SNU13: variants seen among roughly 807,000 people sequenced by gnomAD.
The protein encoded by SNU13 is NHP2-like protein 1.
Under a neutral mutation model 12.4 loss-of-function variants are expected in SNU13, and 2 were observed. That is an observed-to-expected ratio of 0.16 (90% CI 0.07 to 0.51). SNU13 has a LOEUF of 0.51. SNU13 is among the 20% of genes least tolerant of loss of function. SNU13 has a pLI of 0.96. For missense variants in SNU13, 66 were observed against 157.8 expected, an observed-to-expected ratio of 0.42 and a Z score of 3.12; for synonymous variants, 68 against 66.5, an observed-to-expected ratio of 1.02 and a Z score of -0.11.
chr22:41,683,966 G>A (rs2068288334), intron 1 of SNU13, among the ~76,000 whole-genome samples: 1 of 151,958 alleles, frequency 6.6e-6, no homozygotes, highest in African/African-American at 2.4e-5. Flanking sequence ...GTAGTAGTGC[G>A]ATCTTGGCTT....
At chr22:41,688,952 T>G, upstream of SNU13, 1 of 1,371,840 alleles carries the variant, frequency 7.3e-7, no homozygotes, top group Non-Finnish European at 9.5e-7. Flanking sequence ...GGCCCCGCCC[T>G]CTACGGGGGC....
Position 41,674,663 on chromosome 22 carries a change from G to A in SNU13, c.*270C>T, listed in dbSNP as rs896481168. 2.0e-5 allele frequency: 8 copies of A among 398,716 alleles called. No individual in the cohort carries two copies. Among genetic ancestry groups the A allele is most frequent in the East Asian group, 9.8e-5 (2 of 20,438 alleles). The allele number at this position is 398,716 out of a possible 1,614,324, so 24.7% of individuals were successfully genotyped here. ...CTCCTGGCTCTTTCTGCCTTTCAAC[G>A]GTGCCACCACCCTGCTTCTGTCTGC... On this transcript the variant is annotated 3_prime_UTR_variant, in exon 3 of 3. Transcript: ENST00000401959.
At chr22:41,688,133 A>G (rs2068326985) in intron 1 of SNU13, 1 of 152,182 alleles carries the variant, frequency 6.6e-6, no homozygotes, top group African/African-American at 2.4e-5. Context: ...GAGTTTAGAG[A>G]CGCCGCACGT....
At chr22:41,681,991 T>C (rs369867943) in intron 1 of SNU13, among the ~76,000 whole-genome samples, 1 of 5,984 alleles carries the variant, frequency 1.7e-4, no homozygotes, top group Non-Finnish European at 4.4e-4. Context: ...AATTTTTCTC[T>C]TTTTTTTTTT....
intron 1 of SNU13, among the ~76,000 whole-genome samples, chr22:41,681,773 G>C (rs1282020584): frequency 6.6e-6 from 1 of 152,206 alleles, no homozygotes; most frequent in Non-Finnish European, 1.5e-5. Flanking sequence ...AGCTACTCGA[G>C]AGGCTGACGC....
intron 1 of SNU13, chr22:41,682,704 G>T: frequency 1.9e-6 from 1 of 539,292 alleles, no homozygotes; most frequent in Non-Finnish European, 2.8e-6. Context: ...ATTTAGAGAC[G>T]GAGTCTCCCT....
intron 1 of SNU13, among the ~76,000 whole-genome samples, chr22:41,680,782 C>A (rs2068257188): frequency 6.6e-6 from 1 of 152,166 alleles, no homozygotes; most frequent in African/African-American, 2.4e-5. Flanking sequence ...GCAATCTCTG[C>A]CTCCCGAGTT....
intron 2 of SNU13, 81 bp from the exon 3 acceptor site, chr22:41,675,276 G>A (rs997017627): frequency 2.6e-6 from 4 of 1,537,932 alleles, no homozygotes; most frequent in Non-Finnish European, 3.5e-6. Context: ...GAATGCCTAG[G>A]CACACACAAT....
At chr22:41,676,336 T>A (rs766242721) in intron 2 of SNU13, among the ~76,000 whole-genome samples, 13 of 152,100 alleles carry the variant, frequency 8.5e-5, no homozygotes, top group Non-Finnish European at 1.6e-4. Context: ...TCTGCATTCA[T>A]GCTGGAGTAC....
rs1443158866 is a variant in SNU13 at position 41,674,671 on chromosome 22, C to A, written c.*262G>T. The A allele has an allele frequency of 2.1e-5, 9 of 433,416 alleles. No homozygotes were observed. The East Asian group carries it at 4.0e-4, about 19-fold the overall frequency. The allele number at this position is 433,416 out of a possible 1,614,324, so 26.8% of individuals were successfully genotyped here. A position where few individuals can be genotyped will look rare whatever the true frequency, so the allele number is the denominator to read the frequency against. ...TCTTTCTGCCTTTCAACGGTGCCAC[C>A]ACCCTGCTTCTGTCTGCTCTGAACA... On this transcript the variant is annotated 3_prime_UTR_variant, in exon 3 of 3. Transcript: ENST00000401959.
At chr22:41,688,692 G>C (rs1006106631) in intron 1 of SNU13, 102 bp downstream of exon 1, 2 of 1,463,956 alleles carry the variant, frequency 1.4e-6, no homozygotes, top group Non-Finnish European at 1.8e-6. Flanking sequence ...AACGCCGGCG[G>C]ATGAGACGGC....
At chr22:41,689,153 G>C (rs2068339450), upstream of SNU13, 1 of 974,868 alleles carries the variant, frequency 1.0e-6, no homozygotes, top group African/African-American at 1.7e-5. Flanking sequence ...CCTGAGGACA[G>C]GAGTTCGAGA....
chr22:41,680,895 T>C (rs552463113), intron 1 of SNU13, among the ~76,000 whole-genome samples: 1 of 152,302 alleles, frequency 6.6e-6, no homozygotes, highest in East Asian at 1.9e-4. Flanking sequence ...GGTTTCACCG[T>C]GTTGGCCAGG....
intron 1 of SNU13, chr22:41,681,622 T>C (rs988269139): frequency 6.6e-6 from 1 of 152,304 alleles, no homozygotes; most frequent in Admixed American, 6.5e-5. Flanking sequence ...TATTAACTAA[T>C]TAATGGCATT....
intron 1 of SNU13, among the ~76,000 whole-genome samples, chr22:41,680,856 G>A (rs548391424): frequency 1.3e-5 from 2 of 152,280 alleles, no homozygotes; most frequent in African/African-American, 4.8e-5. Flanking sequence ...CACCATGCCA[G>A]GCTAATTTTG....
At chr22:41,679,717 G>A (rs557107511) in intron 2 of SNU13, 5 of 150,986 alleles carry the variant, frequency 3.3e-5, no homozygotes, top group Admixed American at 2.0e-4. Context: ...GGTAGTGCTC[G>A]CTTCAGCAGT....
At chr22:41,685,720 CTT>C in intron 1 of SNU13, among the ~76,000 whole-genome samples, 1 of 151,630 alleles carries the variant, frequency 6.6e-6, no homozygotes, top group Non-Finnish European at 1.5e-5. Context: ...AATCCCACCT[CTT>C]TGGGAGGCTG....
intron 2 of SNU13, among the ~76,000 whole-genome samples, chr22:41,676,621 G>A (rs1601568855): frequency 6.6e-6 from 1 of 151,884 alleles, no homozygotes; most frequent in South Asian, 2.1e-4. Flanking sequence ...AAGAAAAAAG[G>A]CCAAGTTAAA....
chr22:41,677,742 C>CAT (rs1268790296), intron 2 of SNU13, among the ~76,000 whole-genome samples: 1 of 152,112 alleles, frequency 6.6e-6, no homozygotes, highest in Non-Finnish European at 1.5e-5. Flanking sequence ...TACATGGTCT[C>CAT]ATGTGATCTC....
Sources: allele counts gnomAD v4.1 joint callset (sites outside exome capture counted in the v4.1 genomes callset), GRCh38; gene constraint gnomAD v4.1.1; transcripts MANE v1.5; gene names NCBI Gene and HGNC (gene_info 2026-07-23, HGNC 2026-07-21).